Variants in LRIG1 observed in about 807,000 individuals in gnomAD.
LRIG1 encodes leucine rich repeats and immunoglobulin like domains 1, also known as leucine-rich repeats and immunoglobulin-like domains protein 1.
Under a neutral mutation model 99.2 loss-of-function variants are expected in LRIG1, and 48 were observed. The ratio of observed to expected loss-of-function variants is 0.48; its 90% CI spans 0.38 to 0.62. The LOEUF (loss-of-function observed/expected upper bound fraction) is 0.62, where lower values mean the gene tolerates loss of function less well. LRIG1 is among the 20% of genes least tolerant of loss of function. The pLI is 0.00. For missense variants in LRIG1, 1,646 were observed against 1,434.4 expected (o/e 1.15, Z -2.38); for synonymous variants, 772 against 596.1 (o/e 1.29, Z -4.30).
At chr3:66,476,341 CTCCTTAA>C (rs1700722773) in intron 1 of LRIG1, among the ~76,000 whole-genome samples, 1 of 152,162 alleles carries the variant, frequency 6.6e-6, no homozygotes, top group Admixed American at 6.5e-5. Flanking sequence ...TTCTCTCCAA[CTCCTTAA>C]TCCTTCACCC....
intron 17 of LRIG1, 122 bp from the exon 18 acceptor site, chr3:66,380,983 C>G: frequency 1.1e-6 from 1 of 937,338 alleles, no homozygotes; most frequent in Non-Finnish European, 1.6e-6. Flanking sequence ...ACACTGTATG[C>G]ATGCTTCCTC....
At chr3:66,382,475 A>C in intron 15 of LRIG1, 77 bp from the exon 16 acceptor site, 42 of 1,544,912 alleles carry the variant, frequency 2.7e-5, no homozygotes, top group Non-Finnish European at 3.4e-5. Context: ...TGTCAAGCTC[A>C]GAAAGGGGAT....
intron 9 of LRIG1, among the ~76,000 whole-genome samples, chr3:66,399,358 C>A (rs922736634): frequency 2.0e-5 from 3 of 152,230 alleles, no homozygotes; most frequent in Non-Finnish European, 2.9e-5. Flanking sequence ...CTGGCCCAGT[C>A]TCTCTCCAAG....
At position 66,383,973 on chromosome 3, in the gene LRIG1, G is replaced by A. The variant is rs745784686; in HGVS notation, c.2071+18C>T. ...TCACACACACACACACACACACACA[G>A]TAGAGCAATAGGCAAACCTAGGACA... On this transcript the variant is annotated intron_variant, in intron 14 of 18. Coordinates refer to ENST00000273261, the MANE Select transcript of LRIG1 (RefSeq NM_015541.3). 18 of 1,306,276 alleles carry A rather than the reference G, an allele frequency of 1.4e-5. No individual in the cohort carries two copies. The highest frequency in any genetic ancestry group is 2.9e-5 in the East Asian group (1 of 34,636). The allele number at this position is 1,306,276 out of a possible 1,614,324, so 80.9% of individuals were successfully genotyped here.
At chr3:66,481,353 C>T (rs1700846572) in intron 1 of LRIG1, among the ~76,000 whole-genome samples, 1 of 152,088 alleles carries the variant, frequency 6.6e-6, no homozygotes, top group African/African-American at 2.4e-5. Context: ...TGGCAAGTGC[C>T]CCTTGGCCTG....
intron 1 of LRIG1, among the ~76,000 whole-genome samples, chr3:66,462,797 C>T (rs1700384971): frequency 6.6e-6 from 1 of 152,150 alleles, no homozygotes; most frequent in South Asian, 2.1e-4. Context: ...AACCAGCTCC[C>T]TACCTACATT....
upstream of LRIG1, chr3:66,501,103 C>T (rs889942678): frequency 6.6e-6 from 1 of 152,264 alleles, no homozygotes; most frequent in East Asian, 1.9e-4. Flanking sequence ...CCCCTAGGCT[C>T]CGCGCTCCGC....
At chr3:66,427,104 T>C (rs1032239115) in intron 3 of LRIG1, among the ~76,000 whole-genome samples, 1 of 152,116 alleles carries the variant, frequency 6.6e-6, no homozygotes, top group Non-Finnish European at 1.5e-5. Flanking sequence ...CGGCCCCCAT[T>C]ACCCCAACAA....
intron 9 of LRIG1, chr3:66,404,240 G>C (rs1285642761): frequency 1.6e-6 from 2 of 1,288,746 alleles, no homozygotes; most frequent in African/African-American, 3.0e-5. Context: ...CCTACCACAG[G>C]CTCTCCTCTA....
intron 3 of LRIG1, 84 bp from the exon 4 acceptor site, chr3:66,417,350 C>G: frequency 1.4e-6 from 2 of 1,391,362 alleles, no homozygotes; most frequent in Non-Finnish European, 2.0e-6. Flanking sequence ...CCCCACCCCC[C>G]ACCAATATAA....
Position 66,500,612 on chromosome 3 carries a change from GCCGCAAA to G in LRIG1, c.-212_-206del. 1 of 340,404 alleles carries G rather than the reference GCCGCAAA, an allele frequency of 2.9e-6. No individual in the cohort carries two copies. Among genetic ancestry groups the G allele is most frequent in the Non-Finnish European group, 5.3e-6 (1 of 189,586 alleles). The allele number at this position is 340,404 out of a possible 1,614,324, so 21.1% of individuals were successfully genotyped here. On this transcript the variant is annotated 5_prime_UTR_variant, in exon 1 of 19. The change abolishes the stop of an existing upstream ORF in the 5' untranslated region. Coordinates refer to ENST00000273261, the MANE Select transcript of LRIG1 (RefSeq NM_015541.3). Reference sequence around the variant, plus strand: ...GGCCGCTCCGGAGCACCCGGCGGGGGCCGCAAACCCCGCGCCCATCCGGGCCGGCCGG... The same window carrying G: ...GGCCGCTCCGGAGCACCCGGCGGGGGCCCCGCGCCCATCCGGGCCGGCCGG...
At chr3:66,472,316 A>G (rs919066818) in intron 1 of LRIG1, among the ~76,000 whole-genome samples, 3 of 148,494 alleles carry the variant, frequency 2.0e-5, no homozygotes, top group African/African-American at 7.5e-5. Context: ...AAAAAAAAAA[A>G]AAAAAAAAAA....
chr3:66,414,105 A>T (rs1214627259), intron 5 of LRIG1, among the ~76,000 whole-genome samples: 1 of 152,170 alleles, frequency 6.6e-6, no homozygotes, highest in African/African-American at 2.4e-5. Flanking sequence ...TGTTTACAAA[A>T]ATAATAAATC....
At chr3:66,386,351 G>A (rs1701374528) in intron 12 of LRIG1, 50 bp from the exon 13 acceptor site, 2 of 1,483,376 alleles carry the variant, frequency 1.3e-6, no homozygotes, top group African/African-American at 2.8e-5. Flanking sequence ...GGTACACAGA[G>A]GAACCAGCTG....
chr3:66,408,986 G>A (rs1029682867), intron 7 of LRIG1, among the ~76,000 whole-genome samples: 5 of 148,968 alleles, frequency 3.4e-5, no homozygotes, highest in Non-Finnish European at 6.0e-5. Context: ...GGGAGGAGGA[G>A]GGAAGGAAGG....
intron 1 of LRIG1, among the ~76,000 whole-genome samples, chr3:66,491,976 A>T (rs1022604679): frequency 2.6e-5 from 4 of 152,124 alleles, no homozygotes; most frequent in African/African-American, 7.2e-5. Flanking sequence ...TTAATTCAAA[A>T]TTTTTTCTAA....
chr3:66,442,867 G>C (rs531283122), intron 3 of LRIG1, among the ~76,000 whole-genome samples: 2 of 152,186 alleles, frequency 1.3e-5, no homozygotes, highest in African/African-American at 4.8e-5. Context: ...CCCCTTCCTC[G>C]GCTCCCCCAA....
chr3:66,485,571 C>T (rs576170493), intron 1 of LRIG1, among the ~76,000 whole-genome samples: 4 of 152,244 alleles, frequency 2.6e-5, no homozygotes, highest in East Asian at 3.9e-4. Context: ...CAAATATACA[C>T]GCATTTGAGA....
Position 66,394,220 on chromosome 3 carries a change from A to C in LRIG1, c.1305-17T>G, listed in dbSNP as rs373175162. The C allele has an allele frequency of 2.6e-6, 4 of 1,562,388 alleles. No individual in the cohort carries two copies. The highest frequency in any genetic ancestry group is 3.5e-6 in the Non-Finnish European group (4 of 1,156,246). Reference sequence around the variant, plus strand: ...CTGATATGGCTGAAAGAAACACAACAGTGGATGCTTCAGGTGCAGCCGCAA... The same window carrying C: ...CTGATATGGCTGAAAGAAACACAACCGTGGATGCTTCAGGTGCAGCCGCAA... On this transcript the variant is annotated splice_polypyrimidine_tract_variant and intron_variant, in intron 11 of 18. Transcript: ENST00000273261.
Sources: gnomAD v4.1 joint callset for allele counts (sites outside exome capture counted in the v4.1 genomes callset) on GRCh38, gnomAD v4.1.1 for gene constraint, MANE v1.5 for transcripts, NCBI Gene and HGNC (gene_info 2026-07-23, HGNC 2026-07-21) for gene names.